The following PA2G4 variants were observed in gnomAD, a reference collection of about 807,000 sequenced individuals.
PA2G4 encodes the protein proliferation-associated 2G4.
In PA2G4, 8 loss-of-function variants were observed where a neutral mutation model predicts 53.3. The ratio of observed to expected loss-of-function variants is 0.15; its 90% CI spans 0.09 to 0.27. The LOEUF is 0.27. Among genes scored for constraint, PA2G4 ranks in the 10% least tolerant of loss-of-function variants. The probability of loss-of-function intolerance (pLI) is 1.00; values close to 1 mark genes in which losing one functional copy is unlikely to be tolerated. For synonymous variants in PA2G4, 143 were observed against 169.8 expected, an observed-to-expected ratio of 0.84 and a Z score of 1.23; for missense variants, 208 against 486.8, an observed-to-expected ratio of 0.43 and a Z score of 5.39.
chr12:56,105,375 C>T lies in PA2G4; in HGVS notation c.88+550C>T, dbSNP rs576728895. On this transcript the variant is annotated intron_variant, in intron 1 of 12. Coordinates refer to ENST00000303305, the MANE Select transcript of PA2G4 (RefSeq NM_006191.3). ...ACCACGTGCTTTGCTGGAGCCTTTC[C>T]TTCTTTACTTCAGCTCTTACCCTGG... 5.9e-5 allele frequency among the ~76,000 whole-genome samples: 9 copies of T among 152,308 alleles called. No individual in the cohort carries two copies. The East Asian group carries it at 1.7e-3, about 29-fold the overall frequency.
At chr12:56,106,819 G>GA in intron 2 of PA2G4, 103 bp downstream of exon 2, 1 of 1,438,748 alleles carries the variant, frequency 7.0e-7, no homozygotes, top group Non-Finnish European at 9.4e-7. Flanking sequence ...CCCCAGCTCT[G>GA]GCTGAGGTAT....
Position 56,104,715 on chromosome 12 carries a change from G to A in PA2G4, c.-23G>A. On this transcript the variant is annotated 5_prime_UTR_variant, in exon 1 of 13. Transcript: ENST00000303305. ...GCGGCGGCGGCTCAGGGGAAACGAG[G>A]CTGCAGTGGTGGTAGTAGGAAGATG... 6.2e-7 allele frequency: 1 copy of A among 1,606,876 alleles called. No individual in the cohort carries two copies. Among genetic ancestry groups the A allele is most frequent in the Non-Finnish European group, 8.5e-7 (1 of 1,173,604 alleles).
Position 56,113,841 on chromosome 12 carries a change from A to G in PA2G4, c.*953A>G. 1 of 702,228 alleles carries G rather than the reference A, an allele frequency of 1.4e-6. No homozygotes were observed. The highest frequency in any genetic ancestry group is 2.0e-5 in the Admixed American group (1 of 49,976). 43.5% of individuals were successfully genotyped at this position (702,228 alleles called of 1,614,324 possible). A position where few individuals can be genotyped will look rare whatever the true frequency, so the allele number is the denominator to read the frequency against. ...GTCCCAGGAAACTAGGGCTCCCACT[A>G]ACTTATGAGGTTTTTAAACACATTG... On this transcript the variant is annotated 3_prime_UTR_variant, in exon 13 of 13. Coordinates refer to ENST00000303305, the MANE Select transcript of PA2G4 (RefSeq NM_006191.3).
chr12:56,104,863 T>C (rs749963332), intron 1 of PA2G4, 38 bp downstream of exon 1: 6 of 1,541,604 alleles, frequency 3.9e-6, no homozygotes, highest in East Asian at 2.2e-5. Context: ...TCAAGGCTGA[T>C]AGGGAAAGGT....
rs137926350 is a variant in PA2G4, at chr12:56,109,038, A to G, written c.487-192A>G. ...CTACTCAGGAGGCTGAGGCAGGAGA[A>G]TAGCTTGAACCCGGGAGGCAGAGAT... is the stretch of plus-strand genomic sequence containing the variant. On this transcript the variant is annotated intron_variant, in intron 5 of 12. Transcript: ENST00000303305. 4.9e-3 allele frequency among the ~76,000 whole-genome samples: 739 copies of G among 151,096 alleles called. 6 individuals are homozygous for G. The highest frequency in any genetic ancestry group is 0.017 in the African/African-American group (705 of 41,170).
chr12:56,106,901 G>T, intron 2 of PA2G4, 89 bp from the exon 3 acceptor site: 1 of 1,303,434 alleles, frequency 7.7e-7, no homozygotes, highest in South Asian at 1.3e-5. Context: ...ACTTAAGCAA[G>T]ACCCTGAAAA....
chr12:56,110,763 T>C (rs1216820979), intron 9 of PA2G4, 71 bp downstream of exon 9: 13 of 1,578,570 alleles, frequency 8.2e-6, no homozygotes, highest in Non-Finnish European at 7.0e-6. Flanking sequence ...CTTTTTCCTC[T>C]CCCTTCCTGC....
chr12:56,111,408 A>C, intron 11 of PA2G4, 68 bp from the exon 12 acceptor site: 1 of 1,604,960 alleles, frequency 6.2e-7, no homozygotes, highest in Non-Finnish European at 8.5e-7. Context: ...GCAGTACTGA[A>C]AGTAACCCTT....
At chr12:56,107,343 ACGTAAGTTGAGAGAGTCT>A in intron 4 of PA2G4, 87 bp downstream of exon 4, 1 of 1,149,008 alleles carries the variant, frequency 8.7e-7, no homozygotes, top group Non-Finnish European at 1.3e-6. Context: ...CCCAATCACC[ACGTAAGTTGAGAGAGTCT>A]CTAGAGAAGC....
Position 56,109,943 on chromosome 12 carries a change from C to A in PA2G4, c.629+8C>A. On this transcript the variant is annotated splice_region_variant and intron_variant, in intron 7 of 12. Coordinates refer to ENST00000303305, the MANE Select transcript of PA2G4 (RefSeq NM_006191.3). ...TCCCACAGACCAGCAGAAGTAGGTG[C>A]CAACCCTACTTATTACCTTCTACCA... The A allele has an allele frequency of 6.3e-7, 1 of 1,594,548 alleles. No homozygotes were observed. The highest frequency in any genetic ancestry group is 8.6e-7 in the Non-Finnish European group (1 of 1,162,118).
At chr12:56,106,915 CCTT>C (rs1869314045) in intron 2 of PA2G4, 72 bp from the exon 3 acceptor site, 1 of 1,345,546 alleles carries the variant, frequency 7.4e-7, no homozygotes, top group Non-Finnish European at 1.0e-6. Context: ...CTGAAAAAAT[CCTT>C]CTACATTTCT....
At chr12:56,108,405 C>G (rs1278161725) in intron 5 of PA2G4, among the ~76,000 whole-genome samples, 1 of 152,204 alleles carries the variant, frequency 6.6e-6, no homozygotes, top group Non-Finnish European at 1.5e-5. Context: ...TGTGAAAGCA[C>G]TGGGTAAAAT....
chr12:56,104,878 G>A (rs1869258894), intron 1 of PA2G4, 53 bp downstream of exon 1: 2 of 1,487,662 alleles, frequency 1.3e-6, no homozygotes, highest in African/African-American at 1.4e-5. Context: ...AAAGGTAACA[G>A]GCTGGCCCGG....
At position 56,110,390 on chromosome 12, in the gene PA2G4, T is replaced by A; in HGVS notation, c.630-9T>A. 8.4e-6 allele frequency: 13 copies of A among 1,555,272 alleles called. No individual in the cohort carries two copies. Among genetic ancestry groups the A allele is most frequent in the Non-Finnish European group, 1.2e-5 (13 of 1,126,870 alleles). On this transcript the variant is annotated splice_polypyrimidine_tract_variant and intron_variant, in intron 7 of 12. Transcript: ENST00000303305. The stretch of plus-strand genomic sequence containing the variant: ...AAAAAAAAAATTCCTTTCTCTCTAT[T>A]CCTTTTAGGAAGGACCATGAAAAAG...
At chr12:56,111,736 A>G (rs1041017687) in intron 12 of PA2G4, among the ~76,000 whole-genome samples, 1 of 147,424 alleles carries the variant, frequency 6.8e-6, no homozygotes, top group African/African-American at 2.4e-5. Flanking sequence ...TTTAAGAGAC[A>G]GAGTCTCAAA....
At chr12:56,109,007 T>G (rs2136840650) in intron 5 of PA2G4, among the ~76,000 whole-genome samples, 1 of 150,450 alleles carries the variant, frequency 6.6e-6, no homozygotes, top group Non-Finnish European at 1.5e-5. Flanking sequence ...GTGCCTGTAA[T>G]CCCAGCTACT....
In PA2G4 at chr12:56,111,472, C is replaced by A; in HGVS notation, c.1066-4C>A. On this transcript the variant is annotated splice_region_variant and splice_polypyrimidine_tract_variant and intron_variant, in intron 11 of 12. Transcript: ENST00000303305. ...AATTTTTTTCCCTTCTTCCTGTTTT[C>A]CAGGCCCTCCTCCAGAGTTCTGCAA... The A allele has an allele frequency of 1.2e-6, 2 of 1,613,436 alleles. No homozygotes were observed. The highest frequency in any genetic ancestry group is 1.7e-6 in the Non-Finnish European group (2 of 1,179,858).
intron 12 of PA2G4, among the ~76,000 whole-genome samples, chr12:56,112,110 G>A (rs768731308): frequency 1.3e-4 from 20 of 152,228 alleles, no homozygotes; most frequent in Non-Finnish European, 8.8e-5. Flanking sequence ...GCGAAACTCT[G>A]TCTCCAAAAA....
chr12:56,112,084 G>A lies in PA2G4; in HGVS notation c.1119+555G>A, dbSNP rs911847355. ...GGCCGAGATCGCACCATTGCGCTCCGGCCTGCGCAACAAGAGCGAAACTCT... is the reference window on the plus strand; with the variant it reads ...GGCCGAGATCGCACCATTGCGCTCCAGCCTGCGCAACAAGAGCGAAACTCT... On this transcript the variant is annotated intron_variant, in intron 12 of 12. Transcript: ENST00000303305. Among the ~76,000 whole-genome samples, 6 of 152,082 alleles carry A rather than the reference G, an allele frequency of 3.9e-5. No individual in the cohort carries two copies. The East Asian group carries it at 9.7e-4, about 25-fold the overall frequency.
Sources: gnomAD v4.1 joint callset for allele counts (sites outside exome capture counted in the v4.1 genomes callset) on GRCh38, gnomAD v4.1.1 for gene constraint, MANE v1.5 for transcripts, NCBI Gene and HGNC (gene_info 2026-07-23, HGNC 2026-07-21) for gene names.